ANKRD36: variants seen among roughly 807,000 people sequenced by gnomAD.
ANKRD36 encodes the protein ankyrin repeat domain-containing protein 36A.
Under a neutral mutation model 278.1 loss-of-function variants are expected in ANKRD36, and 179 were observed. The observed-to-expected ratio is 0.64, with a 90% confidence interval of 0.57 to 0.73. ANKRD36 has a LOEUF of 0.73. ANKRD36 is among the 30% of genes least tolerant of loss of function. The probability of loss-of-function intolerance (pLI) is 0.00; values close to 1 mark genes in which losing one functional copy is unlikely to be tolerated. For missense variants in ANKRD36, 1,159 were observed against 1,956.7 expected, an observed-to-expected ratio of 0.59 and a Z score of 7.69; for synonymous variants, 320 against 641.1, an observed-to-expected ratio of 0.50 and a Z score of 7.57.
chr2:97,211,788 A>G (rs576045750), intron 58 of ANKRD36, 47 bp downstream of exon 58: 67 of 1,527,740 alleles, frequency 4.4e-5, no homozygotes, highest in Non-Finnish European at 5.1e-5. Flanking sequence ...AGGGTAGAAG[A>G]GAACTTCTCT....
intron 25 of ANKRD36, 26 bp downstream of exon 25, chr2:97,181,652 G>A (rs750058917): frequency 6.2e-7 from 1 of 1,603,254 alleles, no homozygotes; most frequent in African/African-American, 1.3e-5. Flanking sequence ...TTTATATGTT[G>A]AACTATTAAC....
At chr2:97,147,609 C>T (rs1173971436) in intron 11 of ANKRD36, among the ~76,000 whole-genome samples, 7 of 151,304 alleles carry the variant, frequency 4.6e-5, no homozygotes, top group African/African-American at 1.2e-4. Context: ...TAGTTCAAAA[C>T]GCAGTCTTCT....
chr2:97,229,475 T>C (rs1454172608), intron 67 of ANKRD36, among the ~76,000 whole-genome samples: 1 of 152,064 alleles, frequency 6.6e-6, no homozygotes, highest in African/African-American at 2.4e-5. Context: ...CCTTTTTTTG[T>C]TTTCCATTTG....
chr2:97,144,785 A>T, intron 10 of ANKRD36, 73 bp downstream of exon 10: 1 of 1,503,864 alleles, frequency 6.6e-7, no homozygotes, highest in South Asian at 1.2e-5. Context: ...ATAAATCAGC[A>T]GGGGGCTCAT....
chr2:97,198,439 T>C, intron 42 of ANKRD36, 24 bp from the exon 43 acceptor site: 1 of 1,573,062 alleles, frequency 6.4e-7, no homozygotes, highest in Non-Finnish European at 8.6e-7. Context: ...ATATGAGTGA[T>C]TATGAATCCC....
intron 48 of ANKRD36, among the ~76,000 whole-genome samples, chr2:97,203,230 C>G (rs1358823363): frequency 2.0e-5 from 3 of 151,774 alleles, no homozygotes; most frequent in African/African-American, 7.3e-5. Flanking sequence ...ATTTTAGAAA[C>G]AAAAATTATG....
chr2:97,229,345 G>C (rs1316456547), intron 67 of ANKRD36, among the ~76,000 whole-genome samples: 1 of 151,908 alleles, frequency 6.6e-6, no homozygotes, highest in Non-Finnish European at 1.5e-5. Context: ...TATATATTTA[G>C]GATAGTTAGC....
At chr2:97,222,732 G>A in intron 66 of ANKRD36, among the ~76,000 whole-genome samples, 1 of 152,124 alleles carries the variant, frequency 6.6e-6, no homozygotes, top group Non-Finnish European at 1.5e-5. Context: ...AGGTACTACT[G>A]CTAAATTAAG....
chr2:97,141,279 AAAG>A (rs200243381), intron 6 of ANKRD36, among the ~76,000 whole-genome samples: 27,267 of 148,880 alleles, frequency 0.18, 3,667 homozygotes, highest in African/African-American at 0.39. Context: ...ATTAATAAGA[AAAG>A]AAGTCTCTTG....
At chr2:97,210,392 T>C (rs1358977929) in intron 56 of ANKRD36, among the ~76,000 whole-genome samples, 1 of 151,800 alleles carries the variant, frequency 6.6e-6, no homozygotes, top group Non-Finnish European at 1.5e-5. Context: ...TTCTGCTGAG[T>C]AAACCTGAGT....
At position 97,146,614 on chromosome 2, in the gene ANKRD36, C is replaced by T. The variant is rs866564432; in HGVS notation, c.1034+98C>T. 110 of 1,109,242 alleles carry T rather than the reference C, an allele frequency of 9.9e-5. No individual in the cohort carries two copies. The Middle Eastern group carries it at 3.5e-3, about 36-fold the overall frequency. The allele number at this position is 1,109,242 out of a possible 1,614,324, so 68.7% of individuals were successfully genotyped here. The stretch of plus-strand genomic sequence containing the variant: ...TAGTGTTCTCCTCTGTGCTAGACAC[C>T]ATATTACATGCTTAATATTTATCAT... On this transcript the variant is annotated intron_variant, in intron 11 of 75. Transcript: ENST00000420699.
At chr2:97,149,239 TG>T in intron 11 of ANKRD36, 55 bp from the exon 12 acceptor site, 1 of 1,457,044 alleles carries the variant, frequency 6.9e-7, no homozygotes, top group South Asian at 1.2e-5. Context: ...TGACGGTTTT[TG>T]TTTTCTTTTA....
intron 56 of ANKRD36, 134 bp from the exon 57 acceptor site, chr2:97,211,412 A>T: frequency 7.6e-7 from 1 of 1,319,530 alleles, no homozygotes. Context: ...TGGTCCCCAG[A>T]CACAAAGTAG....
intron 5 of ANKRD36, among the ~76,000 whole-genome samples, chr2:97,125,156 A>G: frequency 6.6e-6 from 1 of 151,460 alleles, no homozygotes; most frequent in East Asian, 1.9e-4. Flanking sequence ...CTTTCTTACC[A>G]TTGAAAGTAC....
chr2:97,178,496 C>A (rs1183412553), intron 22 of ANKRD36, among the ~76,000 whole-genome samples: 1 of 151,610 alleles, frequency 6.6e-6, no homozygotes, highest in Non-Finnish European at 1.5e-5. Flanking sequence ...TACTATGCAG[C>A]CATAAAAAAT....
intron 6 of ANKRD36, among the ~76,000 whole-genome samples, chr2:97,136,253 A>T (rs918655343): frequency 6.7e-6 from 1 of 149,936 alleles, no homozygotes; most frequent in African/African-American, 2.5e-5. Flanking sequence ...ACATGAAGGC[A>T]TATGGAGAAT....
At chr2:97,217,861 G>A (rs1309639243) in intron 64 of ANKRD36, among the ~76,000 whole-genome samples, 2 of 151,454 alleles carry the variant, frequency 1.3e-5, no homozygotes, top group Non-Finnish European at 2.9e-5. Context: ...AGGCAAGAAA[G>A]AGGGGAAGGA....
intron 12 of ANKRD36, among the ~76,000 whole-genome samples, chr2:97,151,479 T>A (rs2045954545): frequency 1.3e-5 from 2 of 152,310 alleles, no homozygotes; most frequent in Admixed American, 6.5e-5. Context: ...AGAAAGTAAT[T>A]CGCACAAACA....
At chr2:97,190,949 G>A (rs2058385867) in intron 34 of ANKRD36, 29 bp from the exon 35 acceptor site, 2 of 1,601,166 alleles carry the variant, frequency 1.2e-6, no homozygotes, top group African/African-American at 1.3e-5. Context: ...TTATATATGA[G>A]TGATTATGTA....
Sources: gnomAD v4.1 joint callset for allele counts (sites outside exome capture counted in the v4.1 genomes callset) on GRCh38, gnomAD v4.1.1 for gene constraint, MANE v1.5 for transcripts, NCBI Gene and HGNC (gene_info 2026-07-23, HGNC 2026-07-21) for gene names.